Variants in TSHZ2 observed in about 807,000 individuals in gnomAD.
TSHZ2 encodes teashirt zinc finger homeobox 2, also known as teashirt homolog 2.
In TSHZ2, 21 loss-of-function variants were observed where a neutral mutation model predicts 74.4. The ratio of observed to expected loss-of-function variants is 0.28; its 90% CI spans 0.20 to 0.41. TSHZ2 has a LOEUF of 0.41. Among genes scored for constraint, TSHZ2 ranks in the 10% least tolerant of loss-of-function variants. TSHZ2 has a pLI of 1.00. For synonymous variants in TSHZ2, 540 were observed against 515.3 expected, an observed-to-expected ratio of 1.05 and a Z score of -0.65; for missense variants, 1,244 against 1,293.5, an observed-to-expected ratio of 0.96 and a Z score of 0.59.
intron 1 of TSHZ2, among the ~76,000 whole-genome samples, chr20:52,983,347 C>A (rs1443907628): frequency 6.6e-6 from 1 of 152,190 alleles, no homozygotes; most frequent in East Asian, 1.9e-4. Context: ...GGTTCTTCCT[C>A]ACAAATGAAT....
chr20:53,176,466 G>C (rs1988338881), intron 1 of TSHZ2, among the ~76,000 whole-genome samples: 1 of 152,082 alleles, frequency 6.6e-6, no homozygotes, highest in African/African-American at 2.4e-5. Flanking sequence ...GGGTTGCTAG[G>C]GAGCATTGTT....
intron 1 of TSHZ2, among the ~76,000 whole-genome samples, chr20:53,199,739 T>C (rs994588977): frequency 3.2e-4 from 49 of 152,256 alleles, no homozygotes; most frequent in African/African-American, 1.1e-3. Flanking sequence ...CAGCAATGCC[T>C]AGACTAGTGT....
intron 2 of TSHZ2, among the ~76,000 whole-genome samples, chr20:53,283,626 C>T (rs537379227): frequency 5.3e-4 from 81 of 152,146 alleles, no homozygotes; most frequent in Non-Finnish European, 1.0e-3. Flanking sequence ...ATACTGAAAG[C>T]TTACTTATGT....
At chr20:53,478,902 C>T (rs796555365) in intron 2 of TSHZ2, among the ~76,000 whole-genome samples, 4 of 152,148 alleles carry the variant, frequency 2.6e-5, no homozygotes, top group Admixed American at 1.3e-4. Context: ...CAGTGACTTA[C>T]ACCTATAATC....
At chr20:53,472,795 T>G (rs1454903387) in intron 2 of TSHZ2, among the ~76,000 whole-genome samples, 1 of 150,928 alleles carries the variant, frequency 6.6e-6, no homozygotes, top group Non-Finnish European at 1.5e-5. Context: ...GGTCAGTGGG[T>G]GCGCGCACCG....
At chr20:53,290,761 G>A (rs139749154) in intron 2 of TSHZ2, among the ~76,000 whole-genome samples, 1 of 152,316 alleles carries the variant, frequency 6.6e-6, no homozygotes, top group Non-Finnish European at 1.5e-5. Flanking sequence ...GGCTAGACCT[G>A]TAGTCAGTGT....
At chr20:53,071,264 C>T (rs182828519) in intron 1 of TSHZ2, among the ~76,000 whole-genome samples, 1 of 152,262 alleles carries the variant, frequency 6.6e-6, no homozygotes, top group African/African-American at 2.4e-5. Context: ...TATACAGAGA[C>T]GGGAGCATTG....
chr20:53,438,684 G>A lies in TSHZ2; in HGVS notation c.*9-48460G>A, dbSNP rs528879987. On this transcript the variant is annotated intron_variant, in intron 2 of 2. Transcript: ENST00000371497. ...CCAAATAAAAATTAGGGCTGGGCTG[G>A]GTGCAGTGGCTCACGCCTGTAATCC... is the stretch of plus-strand genomic sequence containing the variant. Among the ~76,000 whole-genome samples the A allele has an allele frequency of 2.0e-5, 3 of 152,248 alleles. No homozygotes were observed. The East Asian group carries it at 5.8e-4, about 29-fold the overall frequency.
chr20:53,003,293 T>TGTGTGA (rs1397850559), intron 1 of TSHZ2, among the ~76,000 whole-genome samples: 2 of 143,422 alleles, frequency 1.4e-5, no homozygotes, highest in East Asian at 4.0e-4. Context: ...TGTGTGTGTG[T>TGTGTGA]GTGAAATTTT....
Position 53,040,796 on chromosome 20 carries a change from G to C in TSHZ2, c.40+67463G>C, listed in dbSNP as rs73138259. ...GTGTCTTCCAGCTGATCCCACAGTG[G>C]GGCCCAGGTTGCATCAGCTCAGCCT... On this transcript the variant is annotated intron_variant, in intron 1 of 2. Transcript: ENST00000371497. Among the ~76,000 whole-genome samples the C allele has an allele frequency of 8.3e-4, 127 of 152,244 alleles. 1 individual carries two copies. The highest frequency in any genetic ancestry group is 1.6e-3 in the Non-Finnish European group (106 of 68,000).
chr20:53,036,958 C>T (rs139320241), intron 1 of TSHZ2, among the ~76,000 whole-genome samples: 2 of 151,948 alleles, frequency 1.3e-5, no homozygotes, highest in East Asian at 1.9e-4. Flanking sequence ...TATTCCTTTA[C>T]ATTTTAATAG....
chr20:53,275,508 G>T (rs532615567), intron 2 of TSHZ2, among the ~76,000 whole-genome samples: 3 of 152,224 alleles, frequency 2.0e-5, no homozygotes, highest in African/African-American at 7.2e-5. Context: ...GAGGGGTGGA[G>T]GTGATTTTCA....
At chr20:53,290,129 A>G (rs561978854) in intron 2 of TSHZ2, among the ~76,000 whole-genome samples, 48 of 152,252 alleles carry the variant, frequency 3.2e-4, no homozygotes, top group Middle Eastern at 3.4e-3. Context: ...CCACCTTCCT[A>G]TGTGGAGTCA....
intron 1 of TSHZ2, among the ~76,000 whole-genome samples, chr20:53,018,922 T>C (rs1420057846): frequency 1.3e-5 from 2 of 152,236 alleles, no homozygotes; most frequent in Admixed American, 6.5e-5. Flanking sequence ...TATTTTTAGA[T>C]CCTAGTCATT....
chr20:53,247,438 T>C (rs748842964), intron 1 of TSHZ2, among the ~76,000 whole-genome samples: 131 of 152,246 alleles, frequency 8.6e-4, no homozygotes, highest in Admixed American at 1.6e-3. Context: ...AGGCCCTCAC[T>C]CCAGGCCTGG....
At position 53,255,841 on chromosome 20, in the gene TSHZ2, A is replaced by G. The variant is rs748755377; in HGVS notation, c.2383A>G (p.Ile795Val). 3.7e-6 allele frequency: 6 copies of G among 1,612,044 alleles called. No individual in the cohort carries two copies. The Admixed American group carries it at 8.3e-5, about 22-fold the overall frequency. ...SPPQKHALSDIADMVKVLPKA... is the reference protein window; with the variant it reads ...SPPQKHALSDVADMVKVLPKA... Reference sequence around the variant, plus strand: ...ACCTCAGAAGCACGCTCTGTCTGACATCGCCGACATGGTCAAAGTCCTCCC... The same window carrying G: ...ACCTCAGAAGCACGCTCTGTCTGACGTCGCCGACATGGTCAAAGTCCTCCC... Residue 795 changes from isoleucine (I) to valine (V), a missense_variant, in exon 2 of 3, where the codon ATC becomes GTC. This residue lies in a region of TSHZ2 where 562 missense variants were observed against 544.0 expected (regional missense o/e 1.03). Transcript: ENST00000371497. The surrounding 1 kb of genome is among the most constrained non-coding windows in gnomAD (Gnocchi z 4.1).
intron 1 of TSHZ2, among the ~76,000 whole-genome samples, chr20:53,119,991 A>G (rs1278348024): frequency 6.6e-6 from 1 of 152,168 alleles, no homozygotes; most frequent in East Asian, 1.9e-4. Context: ...TTTTGTTTTT[A>G]ATAAGGCCCT....
chr20:52,976,931 T>C (rs939251119), intron 1 of TSHZ2, among the ~76,000 whole-genome samples: 1 of 152,242 alleles, frequency 6.6e-6, no homozygotes, highest in Admixed American at 6.5e-5. Context: ...TTATTTTGTT[T>C]ATTTAATATG....
intron 2 of TSHZ2, among the ~76,000 whole-genome samples, chr20:53,268,771 A>G (rs1010784402): frequency 1.3e-5 from 2 of 152,198 alleles, no homozygotes; most frequent in African/African-American, 4.8e-5. Context: ...TTAACCCCGC[A>G]TTGTCCACAA....
Sources: allele counts gnomAD v4.1 joint callset (sites outside exome capture counted in the v4.1 genomes callset), GRCh38; gene constraint gnomAD v4.1.1; regional missense constraint gnomAD v4.1.1; non-coding constraint Gnocchi (gnomAD v3.1); transcripts MANE v1.5; gene names NCBI Gene and HGNC (gene_info 2026-07-23, HGNC 2026-07-21).